CYP4V2: variants seen among roughly 807,000 people sequenced by gnomAD.
The protein encoded by CYP4V2 is cytochrome P450 family 4 subfamily V member 2.
A neutral mutation model predicts 60.8 loss-of-function variants in CYP4V2; 55 were observed. The observed-to-expected ratio is 0.90, with a 90% confidence interval of 0.73 to 1.13. The LOEUF (loss-of-function observed/expected upper bound fraction) is 1.13. Among genes scored for constraint, CYP4V2 ranks in the 50% most tolerant of loss-of-function variants. CYP4V2 has a pLI of 0.00. For missense variants in CYP4V2, 675 were observed against 662.9 expected (o/e 1.02, Z -0.20); for synonymous variants, 239 against 236.8 (o/e 1.01, Z -0.08).
intron 8 of CYP4V2, among the ~76,000 whole-genome samples, chr4:186,207,840 C>T (rs1736571872): frequency 6.6e-6 from 1 of 152,190 alleles, no homozygotes; most frequent in Admixed American, 6.5e-5. Flanking sequence ...TACTTTCTGT[C>T]TCTCTGGATT....
intron 7 of CYP4V2, chr4:186,204,293 C>A (rs1213621643): frequency 1.9e-5 from 3 of 154,384 alleles, no homozygotes; most frequent in South Asian, 1.4e-4. Flanking sequence ...AGACGCTACG[C>A]TGGCGTAAGA....
At chr4:186,193,428 CA>C (rs1561430300) in intron 1 of CYP4V2, among the ~76,000 whole-genome samples, 1 of 152,156 alleles carries the variant, frequency 6.6e-6, no homozygotes, top group African/African-American at 2.4e-5. Flanking sequence ...CTGTCTTTTA[CA>C]AAGGGACTTT....
chr4:186,196,703 C>A (rs928620793), intron 3 of CYP4V2: 2 of 476,412 alleles, frequency 4.2e-6, no homozygotes, highest in Admixed American at 3.9e-5. Flanking sequence ...CTATTTTAAA[C>A]ATGTATAGAA....
chr4:186,198,908 A>G (rs763898348), intron 5 of CYP4V2, 49 bp from the exon 6 acceptor site: 43 of 1,612,946 alleles, frequency 2.7e-5, no homozygotes, highest in Non-Finnish European at 3.6e-5. Flanking sequence ...GTGCTCAAGA[A>G]ATACACATTT....
rs934968593 is a variant in CYP4V2, at chr4:186,212,907, A to G, written c.*2266A>G. On this transcript the variant is annotated 3_prime_UTR_variant, in exon 11 of 11. Transcript: ENST00000378802. ...AAAAGTCAAGGAAGGAGGTGATACA[A>G]TTGGAAATATTCCCATCAAATGGTT... The G allele has an allele frequency of 2.2e-4, 33 of 152,218 alleles. No homozygotes were observed. The highest frequency in any genetic ancestry group is 1.0e-4 in the Non-Finnish European group (7 of 68,028). 9.4% of individuals were successfully genotyped at this position (152,218 alleles called of 1,614,324 possible).
chr4:186,197,197 A>G (rs1210171843), intron 4 of CYP4V2, 67 bp downstream of exon 4: 1 of 1,577,184 alleles, frequency 6.3e-7, no homozygotes, highest in African/African-American at 1.4e-5. Context: ...AGGAAATCAC[A>G]CTCCACCGGG....
intron 1 of CYP4V2, among the ~76,000 whole-genome samples, chr4:186,193,380 C>T (rs1034993645): frequency 6.6e-6 from 1 of 152,188 alleles, no homozygotes; most frequent in African/African-American, 2.4e-5. Flanking sequence ...AAGTAATTCT[C>T]CTTGTAGTCA....
At position 186,204,646 on chromosome 4, in the gene CYP4V2, A is replaced by T. The variant is rs927100544; in HGVS notation, c.988-554A>T. ...GTTTTTAATCTCTGAATTGTAAAGA[A>T]CAGTAATGAGTCTTTCATGGAGTTT... On this transcript the variant is annotated intron_variant, in intron 7 of 10. Transcript: ENST00000378802. The T allele has an allele frequency of 3.0e-5, 6 of 201,152 alleles. No individual in the cohort carries two copies. The Admixed American group carries it at 3.2e-4, about 11-fold the overall frequency. The allele number at this position is 201,152 out of a possible 1,614,324, so 12.5% of individuals were successfully genotyped here.
At chr4:186,199,202 C>A in intron 6 of CYP4V2, 119 bp downstream of exon 6, 1 of 1,093,502 alleles carries the variant, frequency 9.1e-7, no homozygotes, top group South Asian at 1.4e-5. Context: ...GTGCAACCAT[C>A]CCCACCGTTC....
In CYP4V2 at chr4:186,211,698, T is replaced by TACAC. The variant is rs58524374; in HGVS notation, c.*1061_*1064dup. ...ACACACACACACACACACACACACATACACACATATAATTTGAAAGAGGTG... is the reference window on the plus strand; with the variant it reads ...ACACACACACACACACACACACACATACACACACACATATAATTTGAAAGAGGTG... On this transcript the variant is annotated 3_prime_UTR_variant, in exon 11 of 11. Transcript: ENST00000378802. 0.82 allele frequency: 119,379 copies of TACAC among 144,982 alleles called. 49,182 individuals are homozygous for TACAC. Among genetic ancestry groups the TACAC allele is most frequent in the East Asian group, 0.93 (4,722 of 5,078 alleles). The allele number at this position is 144,982 out of a possible 1,614,324, so 9.0% of individuals were successfully genotyped here.
At chr4:186,203,431 CTG>C (rs1293009859) in intron 7 of CYP4V2, 2 of 152,882 alleles carry the variant, frequency 1.3e-5, no homozygotes, top group East Asian at 1.9e-4. Context: ...CCGGTGCAGG[CTG>C]TGAGTGTGAT....
intron 7 of CYP4V2, chr4:186,204,417 T>TACGC (rs1736432959): frequency 5.8e-5 from 11 of 189,412 alleles, no homozygotes; most frequent in African/African-American, 2.8e-4. Flanking sequence ...GTGGAGACGT[T>TACGC]TCGCTGGCGT....
At chr4:186,210,201 G>C (rs72646296) in intron 10 of CYP4V2, among the ~76,000 whole-genome samples, 4 of 152,324 alleles carry the variant, frequency 2.6e-5, no homozygotes, top group Non-Finnish European at 5.9e-5. Flanking sequence ...ATCTAGGGTA[G>C]TGAGTCTCAA....
intron 3 of CYP4V2, 67 bp downstream of exon 3, chr4:186,196,155 C>G: frequency 3.0e-6 from 4 of 1,321,998 alleles, no homozygotes; most frequent in Non-Finnish European, 4.4e-6. Context: ...CTTGTTATTT[C>G]AAGAATTAAC....
intron 8 of CYP4V2, among the ~76,000 whole-genome samples, chr4:186,205,909 G>A (rs1736483449): frequency 1.3e-5 from 2 of 152,170 alleles, no homozygotes; most frequent in Non-Finnish European, 2.9e-5. Context: ...TGGGGGTACC[G>A]GGTGTGTTGG....
chr4:186,203,189 T>C (rs1736375805), intron 7 of CYP4V2: 1 of 150,426 alleles, frequency 6.6e-6, no homozygotes, highest in African/African-American at 2.4e-5. Context: ...CATACACATA[T>C]GTACACACAT....
At chr4:186,208,525 T>C (rs1374799513) in intron 8 of CYP4V2, among the ~76,000 whole-genome samples, 1 of 150,194 alleles carries the variant, frequency 6.7e-6, no homozygotes. Context: ...TGTTCTTTGA[T>C]GGGTATTTGA....
Position 186,192,047 on chromosome 4 carries a change from G to C in CYP4V2, c.214+10G>C, listed in dbSNP as rs906756906. ...AAGCCGGACGGGCGAGGTAAGGGCCGGCGCTCCTCCTGGAGCGCAACGGGG... is the reference window on the plus strand; with the variant it reads ...AAGCCGGACGGGCGAGGTAAGGGCCCGCGCTCCTCCTGGAGCGCAACGGGG... On this transcript the variant is annotated intron_variant, in intron 1 of 10. Coordinates refer to ENST00000378802, the MANE Select transcript of CYP4V2 (RefSeq NM_207352.4). 12 of 1,563,666 alleles carry C rather than the reference G, an allele frequency of 7.7e-6. No individual in the cohort carries two copies. The highest frequency in any genetic ancestry group is 1.0e-5 in the Non-Finnish European group (12 of 1,160,428).
chr4:186,209,626 C>G (rs554452349), intron 10 of CYP4V2, among the ~76,000 whole-genome samples: 6 of 152,272 alleles, frequency 3.9e-5, no homozygotes, highest in African/African-American at 1.4e-4. Flanking sequence ...GCCATTTTCT[C>G]CTTATGTCTT....
Sources: allele counts gnomAD v4.1 joint callset (sites outside exome capture counted in the v4.1 genomes callset), GRCh38; gene constraint gnomAD v4.1.1; transcripts MANE v1.5; gene names NCBI Gene and HGNC (gene_info 2026-07-23, HGNC 2026-07-21).